The following UQCRC1 variants were observed in gnomAD, a reference collection of about 807,000 sequenced individuals.
The protein encoded by UQCRC1 is cytochrome b-c1 complex subunit 1, mitochondrial.
UQCRC1 carries 34 observed loss-of-function variants against 58.0 expected under a neutral mutation model. The ratio of observed to expected loss-of-function variants is 0.59; its 90% CI spans 0.45 to 0.78. UQCRC1 has a LOEUF of 0.78. Among genes scored for constraint, UQCRC1 ranks in the 30% least tolerant of loss-of-function variants. The pLI is 0.00. For missense variants in UQCRC1, 610 were observed against 646.0 expected (o/e 0.94, Z 0.60); for synonymous variants, 276 against 248.8 (o/e 1.11, Z -1.03).
chr3:48,600,241 G>C (rs1218220115), intron 10 of UQCRC1, 90 bp from the exon 11 acceptor site: 1 of 1,365,694 alleles, frequency 7.3e-7, no homozygotes, highest in African/African-American at 1.4e-5. Flanking sequence ...GGTTGACAAG[G>C]ACCTCCCTGA....
chr3:48,606,397 G>A (rs1428350819), intron 2 of UQCRC1, among the ~76,000 whole-genome samples: 1 of 152,056 alleles, frequency 6.6e-6, no homozygotes, highest in African/African-American at 2.4e-5. Flanking sequence ...AAACAGTGTT[G>A]CCTTGGCACC....
Position 48,600,956 on chromosome 3 carries a change from T to C in UQCRC1, c.966+19A>G. ...TCTCTTCCCTGAAGGCGAGGTCCCA[T>C]GCTCGCGCTGGCACTCACCACGCCA... On this transcript the variant is annotated intron_variant, in intron 8 of 12. Transcript: ENST00000203407. The C allele has an allele frequency of 6.2e-7, 1 of 1,601,852 alleles. No homozygotes were observed. Among genetic ancestry groups the C allele is most frequent in the Non-Finnish European group, 8.5e-7 (1 of 1,170,884 alleles).
At position 48,605,746 on chromosome 3, in the gene UQCRC1, G is replaced by A. The variant is rs537669595; in HGVS notation, c.297+24C>T. 1.9e-5 allele frequency: 30 copies of A among 1,611,054 alleles called. No homozygotes were observed. The South Asian group carries it at 3.3e-4, about 18-fold the overall frequency. Reference sequence around the variant, plus strand: ...GACAACAGGCAGCCCTAAGCCCAGAGGAGACAGACTTTAAGAGCCTCACCT... The same window carrying A: ...GACAACAGGCAGCCCTAAGCCCAGAAGAGACAGACTTTAAGAGCCTCACCT... On this transcript the variant is annotated intron_variant, in intron 3 of 12. Coordinates refer to ENST00000203407, the MANE Select transcript of UQCRC1 (RefSeq NM_003365.3).
At chr3:48,608,531 T>C (rs2046433915) in intron 2 of UQCRC1, among the ~76,000 whole-genome samples, 1 of 152,208 alleles carries the variant, frequency 6.6e-6, no homozygotes, top group Non-Finnish European at 1.5e-5. Flanking sequence ...TTAGTAACAA[T>C]TTAAATCGCA....
intron 5 of UQCRC1, chr3:48,603,998 T>C: frequency 3.3e-6 from 2 of 598,858 alleles, no homozygotes; most frequent in Non-Finnish European, 5.9e-6. Flanking sequence ...CACTTCGCCC[T>C]TGGACTGTCA....
At chr3:48,599,974 C>G in intron 11 of UQCRC1, 89 bp downstream of exon 11, 11 of 1,506,558 alleles carry the variant, frequency 7.3e-6, no homozygotes, top group Non-Finnish European at 1.0e-5. Context: ...CCTATAGGAG[C>G]AGGCTGCGCT....
At chr3:48,601,235 C>T in intron 7 of UQCRC1, 117 bp from the exon 8 acceptor site, 1 of 1,533,396 alleles carries the variant, frequency 6.5e-7, no homozygotes, top group Non-Finnish European at 8.8e-7. Context: ...ATGCAGCAGC[C>T]ACAGAACCCC....
chr3:48,599,960 G>C, intron 11 of UQCRC1, 103 bp downstream of exon 11: 1 of 1,409,672 alleles, frequency 7.1e-7, no homozygotes, highest in Non-Finnish European at 9.8e-7. Flanking sequence ...GGACACCAGG[G>C]ATGCCTATAG....
At chr3:48,599,927 C>T (rs994944899) in intron 11 of UQCRC1, 136 bp downstream of exon 11, 16 of 1,160,986 alleles carry the variant, frequency 1.4e-5, no homozygotes, top group East Asian at 5.0e-5. Flanking sequence ...CACTATGCTA[C>T]CCCTGCAGGT....
chr3:48,605,817 C>CA lies in UQCRC1; in HGVS notation c.249dup (p.Glu84Ter). ...AAGTAGCCTGCCCCATTATTCTTCTCAGTCTCAAAACGGCTGCCAACATCA... is the reference window on the plus strand; with the variant it reads ...AAGTAGCCTGCCCCATTATTCTTCTCAAGTCTCAAAACGGCTGCCAACATCA... On this transcript the variant is annotated frameshift_variant, in exon 3 of 13. Coordinates refer to ENST00000203407, the MANE Select transcript of UQCRC1 (RefSeq NM_003365.3). LOFTEE classifies it high-confidence loss of function. 1 of 1,613,990 alleles carries CA rather than the reference C, an allele frequency of 6.2e-7. No individual in the cohort carries two copies. Among genetic ancestry groups the CA allele is most frequent in the African/African-American group, 1.3e-5 (1 of 75,022 alleles).
chr3:48,599,815 C>A, intron 11 of UQCRC1, 105 bp from the exon 12 acceptor site: 1 of 1,275,340 alleles, frequency 7.8e-7, no homozygotes. Context: ...CAGCATGCAG[C>A]TGTCCCCAGC....
intron 6 of UQCRC1, 61 bp downstream of exon 6, chr3:48,603,503 C>T (rs932914305): frequency 1.3e-5 from 21 of 1,568,016 alleles, no homozygotes; most frequent in Admixed American, 1.7e-5. Context: ...ACCAGGACCT[C>T]GGCTTTGATA....
At chr3:48,604,934 C>G in intron 3 of UQCRC1, 154 bp from the exon 4 acceptor site, 1 of 1,159,572 alleles carries the variant, frequency 8.6e-7, no homozygotes, top group East Asian at 2.6e-5. Context: ...GTTTACCAAG[C>G]ACTAAGCAGG....
chr3:48,601,581 G>A (rs1211968288), intron 6 of UQCRC1, 114 bp from the exon 7 acceptor site: 2 of 917,196 alleles, frequency 2.2e-6, no homozygotes, highest in East Asian at 2.6e-5. Flanking sequence ...GAAACCAGGA[G>A]TATGTGACAT....
chr3:48,605,983 G>T, intron 2 of UQCRC1, 127 bp from the exon 3 acceptor site: 1 of 844,308 alleles, frequency 1.2e-6, no homozygotes, highest in Non-Finnish European at 1.8e-6. Flanking sequence ...AGGGAGAGCT[G>T]CCCCAGCAGG....
chr3:48,600,061 A>T lies in UQCRC1; in HGVS notation c.1302+2T>A, dbSNP rs2046349418. ...AGAACCTCTCCCAGGGGTCCATGTT[A>T]CCGCAATCCGGCTTTCCCATTCAGC... On this transcript the variant is annotated splice_donor_variant, in intron 11 of 12. Coordinates refer to ENST00000203407, the MANE Select transcript of UQCRC1 (RefSeq NM_003365.3). LOFTEE classifies it high-confidence loss of function. 2 of 1,614,010 alleles carry T rather than the reference A, an allele frequency of 1.2e-6. No individual in the cohort carries two copies. Among genetic ancestry groups the T allele is most frequent in the Non-Finnish European group, 1.7e-6 (2 of 1,180,014 alleles).
rs775963242 is a variant in UQCRC1 at position 48,600,764 on chromosome 3, T to C, written c.1043A>G (p.Tyr348Cys). The part of the protein sequence containing the change: ...CQSFQTFSIC[Y>C]AETGLLGAHF... ...TGCACCCAGCAAGCCCGTCTCTGCA[T>C]AGCAGATGCTGAAGGTCTGGAAACT... The change falls in exon 9 of 13, where the codon TAT becomes TGT. Residue 348 changes from tyrosine to cysteine, a missense_variant. Physicochemically the swap from Tyr to Cys is radical, Grantham distance 194. Coordinates refer to ENST00000203407, the MANE Select transcript of UQCRC1 (RefSeq NM_003365.3). 2.5e-6 allele frequency: 4 copies of C among 1,614,164 alleles called. No homozygotes were observed. Among genetic ancestry groups the C allele is most frequent in the Admixed American group, 3.3e-5 (2 of 60,024 alleles).
chr3:48,609,011 G>T, intron 2 of UQCRC1, 151 bp downstream of exon 2: 1 of 1,044,036 alleles, frequency 9.6e-7, no homozygotes, highest in Non-Finnish European at 1.4e-6. Flanking sequence ...CGTGGCTAGG[G>T]TAGGGAATGG....
At chr3:48,599,950 G>C in intron 11 of UQCRC1, 113 bp downstream of exon 11, 1 of 1,341,270 alleles carries the variant, frequency 7.5e-7, no homozygotes, top group Non-Finnish European at 1.0e-6. Context: ...CAGCTGCCTA[G>C]GACACCAGGG....
Sources: gnomAD v4.1 joint callset for allele counts (sites outside exome capture counted in the v4.1 genomes callset) on GRCh38, gnomAD v4.1.1 for gene constraint, MANE v1.5 for transcripts, NCBI Gene and HGNC (gene_info 2026-07-23, HGNC 2026-07-21) for gene names.